FAF1: variants seen among roughly 807,000 people sequenced by gnomAD.
FAF1 encodes the protein Fas associated factor 1.
A neutral mutation model predicts 92.5 loss-of-function variants in FAF1; 25 were observed. That is an observed-to-expected ratio of 0.27 (90% confidence interval 0.20 to 0.38). FAF1 has a LOEUF of 0.38. Ranked by LOEUF, FAF1 falls within the 10% of genes least tolerant of loss-of-function variation. The probability of loss-of-function intolerance (pLI) is 1.00; values close to 1 mark genes in which losing one functional copy is unlikely to be tolerated. For missense variants in FAF1, 636 were observed against 793.3 expected, an observed-to-expected ratio of 0.80 and a Z score of 2.38; for synonymous variants, 234 against 273.2, an observed-to-expected ratio of 0.86 and a Z score of 1.42.
At chr1:50,573,519 C>T (rs1650554684) in intron 12 of FAF1, among the ~76,000 whole-genome samples, 1 of 152,154 alleles carries the variant, frequency 6.6e-6, no homozygotes, top group Non-Finnish European at 1.5e-5. Context: ...CAAAGAACTC[C>T]AAGCTAGTTA....
At position 50,544,598 on chromosome 1, in the gene FAF1, G is replaced by A. The variant is rs557432414; in HGVS notation, c.1269-4870C>T. ...CAATGATAGCTTCACTGGACCAAGT[G>A]TCTAGTCTCCTGAGTCAACCACTTT... On this transcript the variant is annotated intron_variant, in intron 13 of 18. Coordinates refer to ENST00000396153, the MANE Select transcript of FAF1 (RefSeq NM_007051.3). Among the ~76,000 whole-genome samples the A allele has an allele frequency of 8.5e-5, 13 of 152,296 alleles. No individual in the cohort carries two copies. In the East Asian group the frequency reaches 2.5e-3, roughly 29 times the overall value.
intron 6 of FAF1, among the ~76,000 whole-genome samples, chr1:50,706,343 G>C (rs1657674457): frequency 6.6e-6 from 1 of 152,018 alleles, no homozygotes; most frequent in Non-Finnish European, 1.5e-5. Context: ...TCAAAATTCA[G>C]AAGATATTGA....
chr1:50,485,626 C>T (rs569897690), intron 17 of FAF1, among the ~76,000 whole-genome samples: 2 of 132,234 alleles, frequency 1.5e-5, no homozygotes, highest in East Asian at 4.7e-4. Flanking sequence ...TGTGCTACTG[C>T]ACCACTGCAC....
In FAF1 at chr1:50,575,257, T is replaced by C. The variant is rs971648978; in HGVS notation, c.1113+7361A>G. On this transcript the variant is annotated intron_variant, in intron 12 of 18. Coordinates refer to ENST00000396153, the MANE Select transcript of FAF1 (RefSeq NM_007051.3). ...GTAAGTTTTGAACTAATTTAAGAAA[T>C]AATTTTAATATGGGCACTAAAGATT... Among the ~76,000 whole-genome samples the C allele has an allele frequency of 2.4e-4, 36 of 152,164 alleles. 1 individual carries two copies. The highest frequency in any genetic ancestry group is 6.8e-4 in the African/African-American group (28 of 41,434).
At chr1:50,863,970 G>C (rs1432016948) in intron 1 of FAF1, among the ~76,000 whole-genome samples, 1 of 151,942 alleles carries the variant, frequency 6.6e-6, no homozygotes, top group Non-Finnish European at 1.5e-5. Flanking sequence ...ATTTCTTCTA[G>C]ATTTTCTAGT....
At chr1:50,806,582 A>G (rs1662209845) in intron 2 of FAF1, among the ~76,000 whole-genome samples, 1 of 152,154 alleles carries the variant, frequency 6.6e-6, no homozygotes, top group Admixed American at 6.5e-5. Context: ...CGCAGAGCCC[A>G]CTAACCCGCT....
At chr1:50,854,084 G>A (rs1195284120) in intron 2 of FAF1, among the ~76,000 whole-genome samples, 1 of 151,952 alleles carries the variant, frequency 6.6e-6, no homozygotes, top group Non-Finnish European at 1.5e-5. Flanking sequence ...TGAAAAGCCA[G>A]GGCTCTTCAT....
At chr1:50,751,157 A>G (rs188134492) in intron 4 of FAF1, among the ~76,000 whole-genome samples, 2 of 151,924 alleles carry the variant, frequency 1.3e-5, no homozygotes, top group East Asian at 2.0e-4. Flanking sequence ...TGTTAAAAAA[A>G]AAAAAGAGCT....
chr1:50,499,652 G>C (rs1646956955), intron 15 of FAF1, among the ~76,000 whole-genome samples: 1 of 152,122 alleles, frequency 6.6e-6, no homozygotes, highest in Non-Finnish European at 1.5e-5. Context: ...CTACCAAAAA[G>C]CTATTATAAC....
intron 8 of FAF1, among the ~76,000 whole-genome samples, chr1:50,616,129 T>C (rs1042820503): frequency 6.6e-6 from 1 of 152,180 alleles, no homozygotes; most frequent in Non-Finnish European, 1.5e-5. Flanking sequence ...CCACATTGCT[T>C]GTTTTGTTGG....
At chr1:50,794,409 G>A (rs990357457) in intron 3 of FAF1, among the ~76,000 whole-genome samples, 2 of 152,224 alleles carry the variant, frequency 1.3e-5, no homozygotes, top group East Asian at 3.8e-4. Flanking sequence ...CCCCACTGGG[G>A]AGAACTTAAT....
intron 8 of FAF1, among the ~76,000 whole-genome samples, chr1:50,638,439 C>CT (rs1654163145): frequency 7.0e-6 from 1 of 143,248 alleles, no homozygotes; most frequent in Non-Finnish European, 1.5e-5. Context: ...TTTTCTTTTT[C>CT]TTTTTCTTTT....
chr1:50,637,107 C>T (rs1557447991), intron 8 of FAF1, among the ~76,000 whole-genome samples: 1 of 151,536 alleles, frequency 6.6e-6, no homozygotes, highest in Non-Finnish European at 1.5e-5. Flanking sequence ...TTTTTGAAAT[C>T]AGGGAGTGTA....
rs199641825 is a variant in FAF1 at position 50,689,681 on chromosome 1, GAAGTAACCC to G, written c.657+16096_657+16104del. Among the ~76,000 whole-genome samples the G allele has an allele frequency of 4.0e-3, 605 of 152,336 alleles. 14 individuals are homozygous for G. Among genetic ancestry groups the G allele is most frequent in the Admixed American group, 0.028 (427 of 15,304 alleles). The stretch of plus-strand genomic sequence containing the variant: ...CATTATTCATAACAGCCAAAAGGTG[GAAGTAACCC>G]AAGTATCCATTAATGAATGAACAAA... On this transcript the variant is annotated intron_variant, in intron 7 of 18. Coordinates refer to ENST00000396153, the MANE Select transcript of FAF1 (RefSeq NM_007051.3).
intron 1 of FAF1, among the ~76,000 whole-genome samples, chr1:50,864,336 C>G (rs1397402141): frequency 2.0e-5 from 3 of 150,802 alleles, no homozygotes; most frequent in Non-Finnish European, 4.4e-5. Flanking sequence ...CTCTTGTGGG[C>G]ATTTAGTGCT....
At chr1:50,601,753 T>C (rs182365130) in intron 8 of FAF1, among the ~76,000 whole-genome samples, 1 of 151,528 alleles carries the variant, frequency 6.6e-6, no homozygotes, top group African/African-American at 2.4e-5. Flanking sequence ...TATTCATATA[T>C]ACACATATAT....
chr1:50,824,147 T>C (rs1644070838), intron 2 of FAF1, among the ~76,000 whole-genome samples: 1 of 152,198 alleles, frequency 6.6e-6, no homozygotes, highest in African/African-American at 2.4e-5. Flanking sequence ...CTTTTAAATA[T>C]GCATGTATGA....
intron 7 of FAF1, among the ~76,000 whole-genome samples, chr1:50,663,867 T>C (rs1466992896): frequency 6.6e-6 from 1 of 151,664 alleles, no homozygotes; most frequent in African/African-American, 2.4e-5. Flanking sequence ...TCTAAAAATG[T>C]TGCAATTTCA....
At chr1:50,655,311 C>A in intron 8 of FAF1, 131 bp downstream of exon 8, 3 of 708,984 alleles carry the variant, frequency 4.2e-6, no homozygotes, top group East Asian at 2.8e-5. Flanking sequence ...CATGAGCCAC[C>A]GTGCCTGGCT....
Sources: allele counts gnomAD v4.1 joint callset (sites outside exome capture counted in the v4.1 genomes callset), GRCh38; gene constraint gnomAD v4.1.1; transcripts MANE v1.5; gene names NCBI Gene and HGNC (gene_info 2026-07-23, HGNC 2026-07-21).